PCIF1: variants seen among roughly 807,000 people sequenced by gnomAD.
PCIF1 encodes phosphorylated CTD interacting factor 1.
A neutral mutation model predicts 86.9 loss-of-function variants in PCIF1; 12 were observed. That is an observed-to-expected ratio of 0.14 (90% CI 0.09 to 0.22). PCIF1 has a LOEUF of 0.22. Among genes scored for constraint, PCIF1 ranks in the 10% least tolerant of loss-of-function variants. PCIF1 has a pLI of 1.00. For missense variants in PCIF1, 701 were observed against 951.1 expected (o/e 0.74, Z 3.46); for synonymous variants, 397 against 372.0 (o/e 1.07, Z -0.77).
At position 45,945,045 on chromosome 20, in the gene PCIF1, AAGG is replaced by A. The variant is rs111895343; in HGVS notation, c.1168+21_1168+23del. On this transcript the variant is annotated intron_variant, in intron 11 of 16. Transcript: ENST00000372409. Reference sequence around the variant, plus strand: ...CAACATCTCAGGTAGGGGAAAGGTGAAGGAGGAGCCAGCTGTGATGCCGTCAGC... The same window carrying A: ...CAACATCTCAGGTAGGGGAAAGGTGAAGGAGCCAGCTGTGATGCCGTCAGC... 2.1e-3 allele frequency: 3,354 copies of A among 1,593,020 alleles called. 53 individuals carry two copies. In the African/African-American group the frequency reaches 0.039, roughly 19 times the overall value.
chr20:45,946,931 G>T (rs1028607543), intron 14 of PCIF1, 142 bp from the exon 15 acceptor site: 2 of 661,186 alleles, frequency 3.0e-6, no homozygotes, highest in African/African-American at 1.8e-5. Flanking sequence ...GTCATGCCTT[G>T]TGCCCCAATG....
chr20:45,942,913 A>G (rs531504152), intron 7 of PCIF1, among the ~76,000 whole-genome samples, 184 bp from the exon 8 acceptor site: 1 of 151,566 alleles, frequency 6.6e-6, no homozygotes, highest in African/African-American at 2.4e-5. Flanking sequence ...ACGCCTGGCT[A>G]GATACTTATC....
chr20:45,937,715 C>G, intron 2 of PCIF1, 130 bp downstream of exon 2: 2 of 397,506 alleles, frequency 5.0e-6, no homozygotes, highest in Non-Finnish European at 8.9e-6. Flanking sequence ...GGTTCTCAAC[C>G]TTTTTGTTAT....
intron 2 of PCIF1, 124 bp downstream of exon 2, chr20:45,937,709 C>T (rs1026209225): frequency 5.0e-6 from 2 of 397,542 alleles, no homozygotes; most frequent in African/African-American, 4.1e-5. Context: ...GTCAGTGGTT[C>T]TCAACCTTTT....
At position 45,943,880 on chromosome 20, in the gene PCIF1, TGCAGTATG is replaced by T. The variant is rs2083498231; in HGVS notation, c.1005+120_1005+127del. 8 of 770,368 alleles carry T rather than the reference TGCAGTATG, an allele frequency of 1.0e-5. No individual in the cohort carries two copies. The South Asian group carries it at 1.2e-4, about 11-fold the overall frequency. The allele number at this position is 770,368 out of a possible 1,614,324, so 47.7% of individuals were successfully genotyped here. A position where few individuals can be genotyped will look rare whatever the true frequency, so the allele number is the denominator to read the frequency against. ...GGCCTCCCCCAGCGGCCTATTCTTG[TGCAGTATG>T]GCAGACGTTCGACATTCGTCAGTCC... On this transcript the variant is annotated intron_variant, in intron 10 of 16. Transcript: ENST00000372409. The surrounding 1 kb of genome is among the most constrained non-coding windows in gnomAD (Gnocchi z 5.5).
chr20:45,945,582 A>G, intron 11 of PCIF1, 129 bp from the exon 12 acceptor site: 1 of 1,157,584 alleles, frequency 8.6e-7, no homozygotes, highest in Non-Finnish European at 1.2e-6. Context: ...TTCCCTTTCT[A>G]CTGAACTGGG....
chr20:45,941,249 C>G (rs375127705), intron 7 of PCIF1, 42 bp downstream of exon 7: 1 of 1,552,154 alleles, frequency 6.4e-7, no homozygotes, highest in Non-Finnish European at 8.7e-7. Context: ...TTCCACCCAC[C>G]TTTAGCATGA....
At chr20:45,946,887 C>A (rs566222625) in intron 14 of PCIF1, among the ~76,000 whole-genome samples, 186 bp from the exon 15 acceptor site, 2 of 152,214 alleles carry the variant, frequency 1.3e-5, no homozygotes, top group Admixed American at 1.3e-4. Flanking sequence ...CAGCCTGAGC[C>A]TCACTCACTG....
At position 45,947,863 on chromosome 20, in the gene PCIF1, T is replaced by C. The variant is rs7679; in HGVS notation, c.*108T>C. On this transcript the variant is annotated 3_prime_UTR_variant, in exon 17 of 17. Coordinates refer to ENST00000372409, the MANE Select transcript of PCIF1 (RefSeq NM_022104.4). This position sits in a 1 kb window ranked among gnomAD's most constrained non-coding sequence, Gnocchi z 5.4. ...GGCTGCCACTGACATATGAAGATTATGGTTCTGCCAGGGCTCCCCTCCCTG... is the reference window on the plus strand; with the variant it reads ...GGCTGCCACTGACATATGAAGATTACGGTTCTGCCAGGGCTCCCCTCCCTG... 260,903 of 1,533,340 alleles carry C rather than the reference T, an allele frequency of 0.17. 23,743 individuals carry two copies. The highest frequency in any genetic ancestry group is 0.2 in the South Asian group (16,564 of 84,016). The allele number at this position is 1,533,340 out of a possible 1,614,324, so 95.0% of individuals were successfully genotyped here.
Position 45,934,733 on chromosome 20 carries a change from C to CGAGGCG in PCIF1, c.-251_-246dup, listed in dbSNP as rs1291855606. ...ATGGCGGCAGCGGCGCTGGGGAGGG[C>CGAGGCG]GAGGCGGAGGCGGCAAAACGGGCGG... On this transcript the variant is annotated 5_prime_UTR_variant, in exon 1 of 17. Transcript: ENST00000372409. The CGAGGCG allele has an allele frequency of 2.5e-6, 1 of 398,880 alleles. No homozygotes were observed. The highest frequency in any genetic ancestry group is 4.4e-6 in the Non-Finnish European group (1 of 226,076). 24.7% of individuals were successfully genotyped at this position (398,880 alleles called of 1,614,324 possible). A position where few individuals can be genotyped will look rare whatever the true frequency, so the allele number is the denominator to read the frequency against.
At chr20:45,941,650 G>A (rs1330684267) in intron 7 of PCIF1, among the ~76,000 whole-genome samples, 3 of 152,028 alleles carry the variant, frequency 2.0e-5, no homozygotes, top group African/African-American at 7.3e-5. Context: ...ATAGAGATGG[G>A]GGTGTCACGA....
intron 11 of PCIF1, 87 bp from the exon 12 acceptor site, chr20:45,945,624 C>T (rs887124387): frequency 1.3e-5 from 20 of 1,482,436 alleles, no homozygotes; most frequent in Non-Finnish European, 1.7e-5. Context: ...AATGGGACTT[C>T]CCTCTCTCGG....
intron 7 of PCIF1, among the ~76,000 whole-genome samples, chr20:45,942,766 C>CTTTTTTTTTTTTTTTTTT (rs780815783): frequency 1.4e-5 from 1 of 71,746 alleles, no homozygotes; most frequent in Admixed American, 1.5e-4. Context: ...CAGCTAATTT[C>CTTTTTTTTTTTTTTTTTT]TTTTTTTTTT....
intron 1 of PCIF1, among the ~76,000 whole-genome samples, chr20:45,936,068 G>C (rs908138513): frequency 6.6e-6 from 1 of 152,224 alleles, no homozygotes; most frequent in Non-Finnish European, 1.5e-5. Flanking sequence ...TATTCAGAGC[G>C]TGTCTTTGAC....
chr20:45,937,710 T>C, intron 2 of PCIF1, 125 bp downstream of exon 2: 1 of 397,678 alleles, frequency 2.5e-6, no homozygotes, highest in Non-Finnish European at 4.4e-6. Context: ...TCAGTGGTTC[T>C]CAACCTTTTT....
At position 45,940,503 on chromosome 20, in the gene PCIF1, C is replaced by T; in HGVS notation, c.278C>T (p.Pro93Leu). ...ISDPLGLNAT[P>L]LPQDSSLVET... ...GACCCTTTGGGGCTGAATGCGACCC[C>T]ACTGCCCCAAGACTCAAGCTTGGTG... is the stretch of plus-strand genomic sequence containing the variant. Residue 93 changes from proline to leucine, a missense_variant, in exon 5 of 17, where the codon CCA becomes CTA. Physicochemically the swap from Pro to Leu is moderately conservative, Grantham distance 98. Coordinates refer to ENST00000372409, the MANE Select transcript of PCIF1 (RefSeq NM_022104.4). 1 of 1,607,966 alleles carries T rather than the reference C, an allele frequency of 6.2e-7. No individual in the cohort carries two copies. The highest frequency in any genetic ancestry group is 8.5e-7 in the Non-Finnish European group (1 of 1,176,994).
At chr20:45,942,739 C>T (rs4812978) in intron 7 of PCIF1, among the ~76,000 whole-genome samples, 2 of 149,804 alleles carry the variant, frequency 1.3e-5, no homozygotes, top group South Asian at 2.1e-4. Flanking sequence ...CTCAGCCTCC[C>T]GAGGAGCTGG....
At chr20:45,945,539 GTTGCCTGGC>G (rs778123608) in intron 11 of PCIF1, among the ~76,000 whole-genome samples, 163 bp from the exon 12 acceptor site, 24 of 152,222 alleles carry the variant, frequency 1.6e-4, no homozygotes, top group Non-Finnish European at 3.4e-4. Flanking sequence ...GCCCCGGCCA[GTTGCCTGGC>G]TGGTTTCTTT....
rs960520541 is a variant in PCIF1 at position 45,941,156 on chromosome 20, C to T, written c.622C>T (p.Leu208Phe). The change falls in exon 7 of 17, where the codon CTC becomes TTC. Residue 208 changes from leucine to phenylalanine, a missense_variant. By Grantham distance (22) the Leu-to-Phe change is conservative. Transcript: ENST00000372409. ...CGAAGTGGAACTGCTCCGCTCTCAG[C>T]TCATCCTGAAGCTTCGGCAGCACTA... Reference protein sequence around the residue: ...HPEVELLRSQLILKLRQHYRE... With the variant: ...HPEVELLRSQFILKLRQHYRE... 2 of 1,613,998 alleles carry T rather than the reference C, an allele frequency of 1.2e-6. No homozygotes were observed. Among genetic ancestry groups the T allele is most frequent in the Non-Finnish European group, 1.7e-6 (2 of 1,180,014 alleles).
Sources: allele counts gnomAD v4.1 joint callset (sites outside exome capture counted in the v4.1 genomes callset), GRCh38; gene constraint gnomAD v4.1.1; non-coding constraint Gnocchi (gnomAD v3.1); transcripts MANE v1.5; gene names NCBI Gene and HGNC (gene_info 2026-07-23, HGNC 2026-07-21).